Variants in UGT1A3 observed in about 807,000 individuals in gnomAD.
The protein encoded by UGT1A3 is UDP glucuronosyltransferase family 1 member A3, also known as UDP-glucuronosyltransferase 1A3.
Under a neutral mutation model 41.0 loss-of-function variants are expected in UGT1A3, and 31 were observed. The observed-to-expected ratio is 0.76, with a 90% CI of 0.57 to 1.02. The LOEUF (loss-of-function observed/expected upper bound fraction) is 1.02, where lower values mean the gene tolerates loss of function less well. Ranked by LOEUF, UGT1A3 falls within the 50% of genes least tolerant of loss-of-function variation. The pLI is 0.00. For synonymous variants in UGT1A3, 262 were observed against 257.6 expected, an observed-to-expected ratio of 1.02 and a Z score of -0.17; for missense variants, 737 against 671.0, an observed-to-expected ratio of 1.10 and a Z score of -1.09.
In UGT1A3 at chr2:233,729,673, A is replaced by G. The variant is rs1282991761; in HGVS notation, c.547A>G (p.Lys183Glu). 1 of 1,613,898 alleles carries G rather than the reference A, an allele frequency of 6.2e-7. No homozygotes were observed. Among genetic ancestry groups the G allele is most frequent in the South Asian group, 1.1e-5 (1 of 91,058 alleles). Residue 183 changes from lysine (K) to glutamate (E), a missense_variant, in exon 1 of 5, where the codon AAG becomes GAG. Coordinates refer to ENST00000482026, the MANE Select transcript of UGT1A3 (RefSeq NM_019093.4). ...GAACATTCCATGTGATTTAGACTTT[A>G]AGGGCACACAGTGTCCAAACCCTTC... ...LRNIPCDLDF[K>E]GTQCPNPSSY...
rs1025205090 is a variant in UGT1A3, at chr2:233,748,083, G to A, written c.867+18090G>A. 35 of 1,612,864 alleles carry A rather than the reference G, an allele frequency of 2.2e-5. No homozygotes were observed. In the Middle Eastern group the frequency reaches 5.0e-4, roughly 23 times the overall value. On this transcript the variant is annotated intron_variant, in intron 1 of 4. Transcript: ENST00000482026. ...CAACAGGAAGCCACTATCTCAGGTC[G>A]GTGTTCGTGCCTTCATCCAATCAAT... is the stretch of plus-strand genomic sequence containing the variant.
Position 233,768,202 on chromosome 2 carries a change from C to A in UGT1A3, c.1088-18C>A. 6.2e-7 allele frequency: 1 copy of A among 1,614,156 alleles called. No individual in the cohort carries two copies. On this transcript the variant is annotated intron_variant, in intron 3 of 4. Transcript: ENST00000482026. ...TCAGAGATGTAACTGCTGACATCCT[C>A]CCTATTTTGCATCTCAGGTCACCCG...
chr2:233,763,534 C>A (rs545430015), intron 1 of UGT1A3, among the ~76,000 whole-genome samples: 1 of 152,066 alleles, frequency 6.6e-6, no homozygotes, highest in Non-Finnish European at 1.5e-5. Flanking sequence ...CTCCTTTTTC[C>A]GGATTTCTAC....
At chr2:233,743,967 C>T in intron 1 of UGT1A3, 2 of 1,326,686 alleles carry the variant, frequency 1.5e-6, no homozygotes, top group Non-Finnish European at 2.0e-6. Flanking sequence ...AGCGGCAAGG[C>T]TGCCAGCACC....
Position 233,769,738 on chromosome 2 carries a change from C to G in UGT1A3, c.1307+1299C>G. 1 of 1,454,300 alleles carries G rather than the reference C, an allele frequency of 6.9e-7. No individual in the cohort carries two copies. The highest frequency in any genetic ancestry group is 9.1e-7 in the Non-Finnish European group (1 of 1,102,384). The allele number at this position is 1,454,300 out of a possible 1,614,324, so 90.1% of individuals were successfully genotyped here. On this transcript the variant is annotated intron_variant, in intron 4 of 4. Transcript: ENST00000482026. The surrounding 1 kb of genome is among the most constrained non-coding windows in gnomAD (Gnocchi z 4.4). ...GGCACCATGGCACACGCCTGTAGTC[C>G]CAGCCACTCTGGAGGCTAAGGCGGG...
chr2:233,749,281 T>G (rs1294493695), intron 1 of UGT1A3, among the ~76,000 whole-genome samples: 1 of 151,972 alleles, frequency 6.6e-6, no homozygotes, highest in African/African-American at 2.4e-5. Context: ...CCTTATGCAG[T>G]GTAGTTATTC....
intron 4 of UGT1A3, chr2:233,770,148 T>A (rs1432860944): frequency 2.0e-5 from 3 of 152,232 alleles, no homozygotes; most frequent in Admixed American, 6.5e-5. Context: ...CATTATTTTT[T>A]AAAAAAACAC....
intron 1 of UGT1A3, chr2:233,743,514 G>T (rs753191882): frequency 7.3e-7 from 1 of 1,367,256 alleles, no homozygotes; most frequent in Non-Finnish European, 9.8e-7. Flanking sequence ...CAGACGCTCT[G>T]CTTCTGCTTC....
At chr2:233,771,672 A>G (rs1345371063) in intron 4 of UGT1A3, 4 of 152,446 alleles carry the variant, frequency 2.6e-5, no homozygotes, top group Non-Finnish European at 4.4e-5. Flanking sequence ...CTCACAAAAT[A>G]TCACTAAAAA....
Position 233,772,709 on chromosome 2 carries a change from TAAATAA to T in UGT1A3, c.*157_*162del. ...CCCAGAGTGCTTTAAAAAATTCTCT[TAAATAA>T]AAATAATAGACTCGCTAGTCAGTAA... On this transcript the variant is annotated 3_prime_UTR_variant, in exon 5 of 5. Coordinates refer to ENST00000482026, the MANE Select transcript of UGT1A3 (RefSeq NM_019093.4). 1 of 1,467,584 alleles carries T rather than the reference TAAATAA, an allele frequency of 6.8e-7. No individual in the cohort carries two copies. Among genetic ancestry groups the T allele is most frequent in the Non-Finnish European group, 9.0e-7 (1 of 1,115,204 alleles). 90.9% of individuals were successfully genotyped at this position (1,467,584 alleles called of 1,614,324 possible).
intron 1 of UGT1A3, among the ~76,000 whole-genome samples, chr2:233,756,791 A>C (rs1696326658): frequency 6.6e-6 from 1 of 152,088 alleles, no homozygotes; most frequent in Non-Finnish European, 1.5e-5. Context: ...ATTGTGGGGC[A>C]ATACACTAGT....
At position 233,744,330 on chromosome 2, in the gene UGT1A3, T is replaced by A. The variant is rs1692777222; in HGVS notation, c.867+14337T>A. Among the ~76,000 whole-genome samples the A allele has an allele frequency of 1.3e-5, 2 of 151,878 alleles. 1 individual carries two copies. The highest frequency in any genetic ancestry group is 4.9e-5 in the African/African-American group (2 of 41,124). On this transcript the variant is annotated intron_variant, in intron 1 of 4. Coordinates refer to ENST00000482026, the MANE Select transcript of UGT1A3 (RefSeq NM_019093.4). Reference sequence around the variant, plus strand: ...GGGAAGAGGGTGGTGGGAGTGAGTTTAGTCTGACTGGGGCTGAAGACATCC... The same window carrying A: ...GGGAAGAGGGTGGTGGGAGTGAGTTAAGTCTGACTGGGGCTGAAGACATCC...
chr2:233,742,301 A>C (rs1405327803), intron 1 of UGT1A3, among the ~76,000 whole-genome samples: 1 of 152,018 alleles, frequency 6.6e-6, no homozygotes, highest in Admixed American at 6.5e-5. Context: ...TTATAGATTA[A>C]CTAAAAGTAT....
chr2:233,751,523 AT>A (rs1694748821), intron 1 of UGT1A3, among the ~76,000 whole-genome samples: 1 of 152,210 alleles, frequency 6.6e-6, no homozygotes, highest in Admixed American at 6.5e-5. Context: ...GCAGAATGAT[AT>A]GGTTTGACTC....
At chr2:233,758,604 G>A (rs1575759841) in intron 1 of UGT1A3, among the ~76,000 whole-genome samples, 2 of 152,306 alleles carry the variant, frequency 1.3e-5, no homozygotes, top group East Asian at 3.9e-4. Context: ...AGGAGCTTCA[G>A]TGTGCATGTG....
intron 1 of UGT1A3, among the ~76,000 whole-genome samples, chr2:233,744,682 A>C (rs1267258070): frequency 1.3e-5 from 2 of 151,904 alleles, no homozygotes; most frequent in African/African-American, 4.9e-5. Flanking sequence ...TCACCCATGT[A>C]GCTTCTGGAA....
At chr2:233,767,966 A>G in intron 3 of UGT1A3, 30 bp downstream of exon 3, 1 of 1,614,232 alleles carries the variant, frequency 6.2e-7, no homozygotes, top group South Asian at 1.1e-5. Flanking sequence ...TGTATAGGTC[A>G]AACCAGGGTC....
rs761038539 is a variant in UGT1A3 at position 233,743,935 on chromosome 2, C to G, written c.867+13942C>G. 3 of 1,357,014 alleles carry G rather than the reference C, an allele frequency of 2.2e-6. No homozygotes were observed. In the East Asian group the frequency reaches 1.4e-4, roughly 62 times the overall value. 84.1% of individuals were successfully genotyped at this position (1,357,014 alleles called of 1,614,324 possible). On this transcript the variant is annotated intron_variant, in intron 1 of 4. Transcript: ENST00000482026. Reference sequence around the variant, plus strand: ...CCACCATGCTGGATGGCCAGAACGGCCCACCAGGCACTGGCACAGCGAGCG... The same window carrying G: ...CCACCATGCTGGATGGCCAGAACGGGCCACCAGGCACTGGCACAGCGAGCG...
In UGT1A3 at chr2:233,772,555, A is replaced by C. The variant is rs1350310639; in HGVS notation, c.1601A>C (p.His534Pro). 3 of 1,613,990 alleles carry C rather than the reference A, an allele frequency of 1.9e-6. No homozygotes were observed. Among genetic ancestry groups the C allele is most frequent in the East Asian group, 4.5e-5 (2 of 44,878 alleles). Residue 534 changes from histidine (H) to proline (P), a missense_variant, in exon 5 of 5, where the codon CAT becomes CCT. By Grantham distance (77) the His-to-Pro change is moderately conservative (BLOSUM62 -2). Coordinates refer to ENST00000482026, the MANE Select transcript of UGT1A3 (RefSeq NM_019093.4). ...AAGAAAGCCCACAAATCCAAGACCCATTGAGAAGTGGGTGGGAAATAAGGT... is the reference window on the plus strand; with the variant it reads ...AAGAAAGCCCACAAATCCAAGACCCCTTGAGAAGTGGGTGGGAAATAAGGT... Reference protein sequence around the residue: ...RVKKAHKSKTH With the variant: ...RVKKAHKSKTP
Sources: allele counts gnomAD v4.1 joint callset (sites outside exome capture counted in the v4.1 genomes callset), GRCh38; gene constraint gnomAD v4.1.1; non-coding constraint Gnocchi (gnomAD v3.1); transcripts MANE v1.5; gene names NCBI Gene and HGNC (gene_info 2026-07-23, HGNC 2026-07-21).